RIPOR1: variants seen among roughly 807,000 people sequenced by gnomAD.
RIPOR1 encodes rho family-interacting cell polarization regulator 1.
A neutral mutation model predicts 116.5 loss-of-function variants in RIPOR1; 58 were observed. That is an observed-to-expected ratio of 0.50 (90% CI 0.40 to 0.62). The LOEUF is 0.62. Among genes scored for constraint, RIPOR1 ranks in the 20% least tolerant of loss-of-function variants. The pLI, the probability that RIPOR1 is intolerant of heterozygous loss-of-function variation, is 0.00. For missense variants in RIPOR1, 1,372 were observed against 1,586.2 expected (o/e 0.86, Z 2.29); for synonymous variants, 605 against 650.0 (o/e 0.93, Z 1.05).
chr16:67,525,697 C>G (rs1011350021), upstream of RIPOR1, among the ~76,000 whole-genome samples: 3 of 152,098 alleles, frequency 2.0e-5, no homozygotes, highest in African/African-American at 7.2e-5. Flanking sequence ...AGAATGTGAT[C>G]TCCCAGTGGT....
chr16:67,541,233 ATTTTTTT>A lies in RIPOR1; in HGVS notation c.802-183_802-177del, dbSNP rs565790382. ...GGTGCACCACCATGCCTGGCTAAAAATTTTTTTTTTTTTTTTTTTTGAGACAGAGTCT... is the reference window on the plus strand; with the variant it reads ...GGTGCACCACCATGCCTGGCTAAAAATTTTTTTTTTTTTGAGACAGAGTCT... On this transcript the variant is annotated intron_variant, in intron 10 of 21. Transcript: ENST00000042381. This position sits in a 1 kb window ranked among gnomAD's most constrained non-coding sequence, Gnocchi z 4.6. The A allele has an allele frequency of 7.4e-6, 3 of 404,642 alleles. No homozygotes were observed. The highest frequency in any genetic ancestry group is 7.7e-4 in the Middle Eastern group (1 of 1,294). 25.1% of individuals were successfully genotyped at this position (404,642 alleles called of 1,614,324 possible).
At chr16:67,518,855 C>G (rs1014954531) in intron 1 of RIPOR1, among the ~76,000 whole-genome samples, 1 of 152,202 alleles carries the variant, frequency 6.6e-6, no homozygotes, top group Non-Finnish European at 1.5e-5. Context: ...GGGGGCTGCA[C>G]AGGGCTTTGT....
At chr16:67,524,885 C>G (rs2050527010), upstream of RIPOR1, among the ~76,000 whole-genome samples, 1 of 152,244 alleles carries the variant, frequency 6.6e-6, no homozygotes, top group Non-Finnish European at 1.5e-5. Flanking sequence ...CATACACACA[C>G]ACAGTGCCTG....
rs1235538135 is a variant in RIPOR1, at chr16:67,544,739, C to T, written c.2778C>T (p.Ala926=). 5 of 1,613,000 alleles carry T rather than the reference C, an allele frequency of 3.1e-6. No individual in the cohort carries two copies. The highest frequency in any genetic ancestry group is 4.2e-6 in the Non-Finnish European group (5 of 1,179,612). The change falls in exon 16 of 22, where the codon GCC becomes GCT. Residue 926 remains alanine, a synonymous_variant. Coordinates refer to ENST00000042381, the MANE Select transcript of RIPOR1 (RefSeq NM_024519.4). This position sits in a 1 kb window ranked among gnomAD's most constrained non-coding sequence, Gnocchi z 5.1. ...CCCTGCGCTGCCAGGAGGCATGGGC[C>T]CTGGAGCGGCTGCTGCGGGAAGCCC... ...FGPLRCQEAW[A]LERLLREARV...
chr16:67,524,805 A>C (rs1163618085), upstream of RIPOR1, among the ~76,000 whole-genome samples: 2 of 151,952 alleles, frequency 1.3e-5, no homozygotes, highest in African/African-American at 4.8e-5. Context: ...CACGGCCCCT[A>C]CCCTGGCCCA....
At position 67,545,597 on chromosome 16, in the gene RIPOR1, T is replaced by G; in HGVS notation, c.3190+63T>G. On this transcript the variant is annotated intron_variant, in intron 18 of 21. Transcript: ENST00000042381. The surrounding 1 kb of genome is among the most constrained non-coding windows in gnomAD (Gnocchi z 4.8). ...GGTCTGAGGACATGAGGACAAGCCC[T>G]CCCCAACCTCGGGGGCTCCTCACCC... 1 of 1,590,176 alleles carries G rather than the reference T, an allele frequency of 6.3e-7. No individual in the cohort carries two copies. Among genetic ancestry groups the G allele is most frequent in the Admixed American group, 1.7e-5 (1 of 58,000 alleles).
At chr16:67,528,082 G>A (rs2050562110), upstream of RIPOR1, among the ~76,000 whole-genome samples, 1 of 152,060 alleles carries the variant, frequency 6.6e-6, no homozygotes, top group South Asian at 2.1e-4. Context: ...TCTGATTGAT[G>A]GGAGGAGCGG....
Position 67,546,691 on chromosome 16 carries a change from G to A in RIPOR1, c.*228G>A, listed in dbSNP as rs1232808605. The A allele has an allele frequency of 5.3e-6, 3 of 571,358 alleles. No homozygotes were observed. The highest frequency in any genetic ancestry group is 6.2e-6 in the Non-Finnish European group (2 of 320,766). The allele number at this position is 571,358 out of a possible 1,614,324, so 35.4% of individuals were successfully genotyped here. On this transcript the variant is annotated 3_prime_UTR_variant, in exon 22 of 22. Coordinates refer to ENST00000042381, the MANE Select transcript of RIPOR1 (RefSeq NM_024519.4). Reference sequence around the variant, plus strand: ...TCCCTTGCCACAAATCAGTGTCTGGGGCTTGGCCACCCTGCCGCTGCCCAG... The same window carrying A: ...TCCCTTGCCACAAATCAGTGTCTGGAGCTTGGCCACCCTGCCGCTGCCCAG...
In RIPOR1 at chr16:67,529,558, T is replaced by C; in HGVS notation, c.-24+644T>C. 1.9e-6 allele frequency: 1 copy of C among 529,006 alleles called. No homozygotes were observed. Among genetic ancestry groups the C allele is most frequent in the Non-Finnish European group, 3.4e-6 (1 of 296,992 alleles). The allele number at this position is 529,006 out of a possible 1,614,324, so 32.8% of individuals were successfully genotyped here. The stretch of plus-strand genomic sequence containing the variant: ...GCCGGGCCTGGGCTCTCTGCAGAAC[T>C]GGTTTGGGCAAGGGGCTGCTCACCA... On this transcript the variant is annotated intron_variant, in intron 1 of 21. Coordinates refer to ENST00000042381, the MANE Select transcript of RIPOR1 (RefSeq NM_024519.4). The surrounding 1 kb of genome is among the most constrained non-coding windows in gnomAD (Gnocchi z 4.1).
intron 4 of RIPOR1, 69 bp from the exon 5 acceptor site, chr16:67,539,659 G>A (rs1466877955): frequency 1.9e-6 from 3 of 1,583,504 alleles, no homozygotes; most frequent in Non-Finnish European, 2.6e-6. Context: ...GCTGTGACGA[G>A]TCTGAGTGCC....
upstream of RIPOR1, among the ~76,000 whole-genome samples, chr16:67,524,151 C>T (rs1295010475): frequency 2.6e-5 from 4 of 152,114 alleles, no homozygotes; most frequent in East Asian, 7.7e-4. Flanking sequence ...GCAATTTTAA[C>T]GATTAAACGG....
At position 67,543,639 on chromosome 16, in the gene RIPOR1, C is replaced by T. The variant is rs1416370397; in HGVS notation, c.2600+170C>T. 1.2e-6 allele frequency: 1 copy of T among 865,866 alleles called. No individual in the cohort carries two copies. The highest frequency in any genetic ancestry group is 1.8e-6 in the Non-Finnish European group (1 of 558,760). 53.6% of individuals were successfully genotyped at this position (865,866 alleles called of 1,614,324 possible). On this transcript the variant is annotated intron_variant, in intron 14 of 21. Transcript: ENST00000042381. This position sits in a 1 kb window ranked among gnomAD's most constrained non-coding sequence, Gnocchi z 4.7. ...AGTTGCTGGCAGGTGCACCTGTGTC[C>T]ACCCCTCCCATGTCCTTCATGCCCA...
chr16:67,533,111 C>T (rs2050703961), intron 1 of RIPOR1, among the ~76,000 whole-genome samples: 1 of 152,156 alleles, frequency 6.6e-6, no homozygotes, highest in Non-Finnish European at 1.5e-5. Context: ...CTAACTGAGA[C>T]ATCCAGGACG....
chr16:67,523,534 A>C (rs896584558), intron 1 of RIPOR1, among the ~76,000 whole-genome samples: 114 of 150,832 alleles, frequency 7.6e-4, no homozygotes, highest in South Asian at 8.4e-4. Context: ...AAAAAAAAAA[A>C]AAAAAAAAAA....
In RIPOR1 at chr16:67,545,441, G is replaced by A. The variant is rs779290117; in HGVS notation, c.3097G>A (p.Gly1033Arg). 1 of 1,614,052 alleles carries A rather than the reference G, an allele frequency of 6.2e-7. No homozygotes were observed. The highest frequency in any genetic ancestry group is 2.2e-5 in the East Asian group (1 of 44,892). ...KLPRRPQPGP[G>R]EQLTVFQFWS... is the part of the protein sequence containing the mutation. Reference sequence around the variant, plus strand: ...GCCCAGAAGGCCCCAGCCAGGGCCTGGAGAGCAGCTCACAGTCTTCCAGTT... The same window carrying A: ...GCCCAGAAGGCCCCAGCCAGGGCCTAGAGAGCAGCTCACAGTCTTCCAGTT... The change falls in exon 18 of 22, where the codon GGA becomes AGA. Residue 1033 changes from glycine (G) to arginine (R), a missense_variant. Gly to Arg is a moderately radical substitution (Grantham distance 125, BLOSUM62 -2). Coordinates refer to ENST00000042381, the MANE Select transcript of RIPOR1 (RefSeq NM_024519.4). The surrounding 1 kb of genome is among the most constrained non-coding windows in gnomAD (Gnocchi z 4.8).
chr16:67,526,466 A>C (rs1010228763), upstream of RIPOR1, among the ~76,000 whole-genome samples: 1 of 152,222 alleles, frequency 6.6e-6, no homozygotes, highest in Non-Finnish European at 1.5e-5. Context: ...GGAGGGAATT[A>C]ATTCAAAAGA....
In RIPOR1 at chr16:67,541,282, C is replaced by G. The variant is rs2050974006; in HGVS notation, c.802-148C>G. On this transcript the variant is annotated intron_variant, in intron 10 of 21. Transcript: ENST00000042381. This position sits in a 1 kb window ranked among gnomAD's most constrained non-coding sequence, Gnocchi z 4.6. ...ACAGAGTCTTGCCATGTTGCCCAAG[C>G]TGGTCTTGAACTCCTGGCCTTAAGT... 3 of 723,934 alleles carry G rather than the reference C, an allele frequency of 4.1e-6. No individual in the cohort carries two copies. The highest frequency in any genetic ancestry group is 5.3e-5 in the East Asian group (2 of 37,794). The allele number at this position is 723,934 out of a possible 1,614,324, so 44.8% of individuals were successfully genotyped here. A position where few individuals can be genotyped will look rare whatever the true frequency, so the allele number is the denominator to read the frequency against.
Position 67,529,747 on chromosome 16 carries a change from G to C in RIPOR1, c.-24+833G>C. On this transcript the variant is annotated intron_variant, in intron 1 of 21. Coordinates refer to ENST00000042381, the MANE Select transcript of RIPOR1 (RefSeq NM_024519.4). This position sits in a 1 kb window ranked among gnomAD's most constrained non-coding sequence, Gnocchi z 4.1. ...TGCGCAGCCTCGTGTAACAATACTT[G>C]TGCCCTGGCTGCAGTCTGCGGGGCC... is the stretch of plus-strand genomic sequence containing the variant. 6.5e-7 allele frequency: 1 copy of C among 1,533,904 alleles called. No individual in the cohort carries two copies. The highest frequency in any genetic ancestry group is 8.7e-7 in the Non-Finnish European group (1 of 1,146,368).
intron 1 of RIPOR1, among the ~76,000 whole-genome samples, chr16:67,533,872 A>G (rs990176827): frequency 1.3e-5 from 2 of 149,126 alleles, no homozygotes; most frequent in East Asian, 3.9e-4. Flanking sequence ...CAATGGTGCA[A>G]TCTTGGCTCA....
Sources: allele counts gnomAD v4.1 joint callset (sites outside exome capture counted in the v4.1 genomes callset), GRCh38; gene constraint gnomAD v4.1.1; non-coding constraint Gnocchi (gnomAD v3.1); transcripts MANE v1.5; gene names NCBI Gene and HGNC (gene_info 2026-07-23, HGNC 2026-07-21).